WAPL: variants seen among roughly 807,000 people sequenced by gnomAD.
WAPL encodes WAPL cohesin release factor.
In WAPL, 5 loss-of-function variants were observed where a neutral mutation model predicts 121.0. The observed-to-expected ratio is 0.04, with a 90% confidence interval of 0.02 to 0.09. WAPL has a LOEUF of 0.09. WAPL is among the 10% of genes least tolerant of loss of function. WAPL has a pLI of 1.00. For missense variants in WAPL, 999 were observed against 1,410.8 expected (o/e 0.71, Z 4.68); for synonymous variants, 480 against 481.5 (o/e 1.00, Z 0.04).
chr10:86,493,308 A>C (rs556067035), intron 4 of WAPL, among the ~76,000 whole-genome samples: 1 of 152,154 alleles, frequency 6.6e-6, no homozygotes, highest in Non-Finnish European at 1.5e-5. Context: ...ACTTACTTTC[A>C]AATAAGACCA....
intron 9 of WAPL, among the ~76,000 whole-genome samples, chr10:86,464,543 T>C (rs1422250529): frequency 2.0e-5 from 3 of 152,058 alleles, no homozygotes; most frequent in Non-Finnish European, 4.4e-5. Flanking sequence ...CAGAAGTAAA[T>C]AAAAATTATA....
At chr10:86,491,493 C>T (rs986144189) in intron 4 of WAPL, among the ~76,000 whole-genome samples, 2 of 151,912 alleles carry the variant, frequency 1.3e-5, no homozygotes, top group Non-Finnish European at 2.9e-5. Context: ...GCCCTTGATG[C>T]GATGAACACA....
At chr10:86,515,910 G>A (rs1051149892) in intron 2 of WAPL, among the ~76,000 whole-genome samples, 10 of 112,566 alleles carry the variant, frequency 8.9e-5, no homozygotes, top group Non-Finnish European at 1.2e-4. Flanking sequence ...TTGTTGCCCA[G>A]GCTGGAGTGC....
intron 16 of WAPL, chr10:86,443,757 C>G (rs921308435): frequency 1.2e-4 from 22 of 178,980 alleles, no homozygotes; most frequent in Admixed American, 1.2e-3. Context: ...CGTGGTGCCT[C>G]ACACCTATAA....
rs370148730 is a variant in WAPL, at chr10:86,440,591, G to A, written c.3412-2576C>T. ...TGGGATTACAGGCGTGAGCCACTGC[G>A]CCCGGCCTTTTTTCACTGCTTTTGA... On this transcript the variant is annotated intron_variant, in intron 17 of 18. Coordinates refer to ENST00000298767, the MANE Select transcript of WAPL (RefSeq NM_015045.5). 3.2e-4 allele frequency among the ~76,000 whole-genome samples: 48 copies of A among 152,186 alleles called. No homozygotes were observed. In the East Asian group the frequency reaches 4.5e-3, roughly 14 times the overall value.
At chr10:86,466,666 A>G (rs1314627389) in intron 9 of WAPL, among the ~76,000 whole-genome samples, 1 of 130,852 alleles carries the variant, frequency 7.6e-6, no homozygotes, top group East Asian at 2.3e-4. Context: ...AAATCCATGG[A>G]GAATAAGAAT....
At chr10:86,443,429 A>G in intron 16 of WAPL, 66 bp from the exon 17 acceptor site, 3 of 1,393,292 alleles carry the variant, frequency 2.2e-6, no homozygotes, top group Non-Finnish European at 3.0e-6. Context: ...AAAACCAACC[A>G]TTCTGTTAGT....
intron 4 of WAPL, among the ~76,000 whole-genome samples, chr10:86,479,456 G>A (rs1401940653): frequency 6.6e-6 from 1 of 152,196 alleles, no homozygotes; most frequent in African/African-American, 2.4e-5. Context: ...GTTTTGCCAT[G>A]TTGGCCAGGC....
At chr10:86,503,351 C>T (rs988884325) in intron 2 of WAPL, among the ~76,000 whole-genome samples, 1 of 152,106 alleles carries the variant, frequency 6.6e-6, no homozygotes, top group Non-Finnish European at 1.5e-5. Flanking sequence ...GACCATAACC[C>T]ATGAAATACA....
At chr10:86,488,975 C>G (rs961652772) in intron 4 of WAPL, among the ~76,000 whole-genome samples, 3 of 152,158 alleles carry the variant, frequency 2.0e-5, no homozygotes, top group African/African-American at 7.2e-5. Context: ...CAGTTAACAT[C>G]AGTAGTAATG....
At chr10:86,474,560 T>G (rs1372317007) in intron 4 of WAPL, among the ~76,000 whole-genome samples, 1 of 145,350 alleles carries the variant, frequency 6.9e-6, no homozygotes, top group East Asian at 2.1e-4. Flanking sequence ...TACTAAGTAA[T>G]CAACACATTT....
At chr10:86,497,664 T>G (rs1184413380) in intron 3 of WAPL, among the ~76,000 whole-genome samples, 1 of 152,204 alleles carries the variant, frequency 6.6e-6, no homozygotes, top group East Asian at 1.9e-4. Context: ...GACACTGGAA[T>G]GGTAAGGTTT....
Position 86,472,145 on chromosome 10 carries a change from A to C in WAPL, c.2030+63T>G. 2.7e-6 allele frequency: 4 copies of C among 1,463,598 alleles called. No individual in the cohort carries two copies. Among genetic ancestry groups the C allele is most frequent in the Non-Finnish European group, 3.6e-6 (4 of 1,106,258 alleles). The allele number at this position is 1,463,598 out of a possible 1,614,324, so 90.7% of individuals were successfully genotyped here. On this transcript the variant is annotated intron_variant, in intron 7 of 18. Coordinates refer to ENST00000298767, the MANE Select transcript of WAPL (RefSeq NM_015045.5). This position sits in a 1 kb window ranked among gnomAD's most constrained non-coding sequence, Gnocchi z 4.2. ...AAAAATGTTTGGCTTTTTGGACAAC[A>C]CCTAGTTGAAAAAATTTAATACAGC...
At chr10:86,467,032 G>A (rs985744061) in intron 9 of WAPL, 1 of 423,336 alleles carries the variant, frequency 2.4e-6, no homozygotes, top group African/African-American at 2.0e-5. Flanking sequence ...AAGAGAAAAG[G>A]ATTAGACAAA....
intron 4 of WAPL, among the ~76,000 whole-genome samples, chr10:86,478,376 G>A (rs1014704267): frequency 6.6e-6 from 1 of 152,054 alleles, no homozygotes; most frequent in Non-Finnish European, 1.5e-5. Flanking sequence ...AGGCTGCAGT[G>A]AGCCAAGATC....
chr10:86,492,268 T>A (rs1203326096), intron 4 of WAPL, among the ~76,000 whole-genome samples: 3 of 152,166 alleles, frequency 2.0e-5, no homozygotes. Flanking sequence ...CTTTACAAAA[T>A]TCCAGCTATT....
intron 15 of WAPL, among the ~76,000 whole-genome samples, chr10:86,447,861 C>T (rs1849663185): frequency 6.6e-6 from 1 of 151,632 alleles, no homozygotes; most frequent in Non-Finnish European, 1.5e-5. Flanking sequence ...ACTAGCCCGG[C>T]AAACACAGTG....
intron 2 of WAPL, among the ~76,000 whole-genome samples, chr10:86,506,499 G>A (rs563349925): frequency 4.6e-5 from 7 of 152,214 alleles, no homozygotes; most frequent in Non-Finnish European, 7.3e-5. Flanking sequence ...TATTGGCCAC[G>A]TGTGGTGGCT....
rs115962316 is a variant in WAPL at position 86,451,733 on chromosome 10, T to C, written c.3114+234A>G. Among the ~76,000 whole-genome samples the C allele has an allele frequency of 9.6e-3, 1,458 of 152,204 alleles. 30 individuals are homozygous for C. Among genetic ancestry groups the C allele is most frequent in the African/African-American group, 0.033 (1,355 of 41,524 alleles). On this transcript the variant is annotated intron_variant, in intron 15 of 18. Coordinates refer to ENST00000298767, the MANE Select transcript of WAPL (RefSeq NM_015045.5). ...ATTGGTTACAAATTCTGGTTTAAAATAAGCTTTCACCCTAGACGCTGTGAA... is the reference window on the plus strand; with the variant it reads ...ATTGGTTACAAATTCTGGTTTAAAACAAGCTTTCACCCTAGACGCTGTGAA...
Sources: gnomAD v4.1 joint callset for allele counts (sites outside exome capture counted in the v4.1 genomes callset) on GRCh38, gnomAD v4.1.1 for gene constraint, Gnocchi (gnomAD v3.1) non-coding constraint, MANE v1.5 for transcripts, NCBI Gene and HGNC (gene_info 2026-07-23, HGNC 2026-07-21) for gene names.